Variants in ATP6AP2 observed in about 807,000 individuals in gnomAD.
ATP6AP2 encodes ATPase H+ transporting accessory protein 2.
In ATP6AP2, 1 loss-of-function variant was observed where a neutral mutation model predicts 23.4. The observed-to-expected ratio is 0.04, with a 90% CI of 0.02 to 0.20. The LOEUF (loss-of-function observed/expected upper bound fraction) is 0.20, where lower values mean the gene tolerates loss of function less well. ATP6AP2 is among the 10% of genes least tolerant of loss of function. The probability of loss-of-function intolerance (pLI) is 1.00; values close to 1 mark genes in which losing one functional copy is unlikely to be tolerated. For synonymous variants in ATP6AP2, 90 were observed against 97.1 expected, an observed-to-expected ratio of 0.93 and a Z score of 0.43; for missense variants, 174 against 271.3, an observed-to-expected ratio of 0.64 and a Z score of 2.52.
intron 3 of ATP6AP2, 108 bp from the exon 4 acceptor site, chrX:40,597,141 T>C: frequency 1.3e-5 from 8 of 632,955 alleles, no homozygotes; most frequent in Non-Finnish European, 2.0e-5. Flanking sequence ...TAAATTTCCA[T>C]AGAAAGTGCT....
intron 8 of ATP6AP2, among the ~76,000 whole-genome samples, chrX:40,601,186 A>G (rs1031707664): frequency 8.9e-6 from 1 of 111,925 alleles, no homozygotes; most frequent in African/African-American, 3.3e-5. Context: ...ATGTGGCGCC[A>G]GGTGCAGTGG....
At chrX:40,596,972 A>T (rs1474451516) in intron 3 of ATP6AP2, 2 of 272,938 alleles carry the variant, frequency 7.3e-6, no homozygotes, top group Middle Eastern at 1.1e-3. Context: ...TACATGAATG[A>T]CCACCAGAAA....
chrX:40,597,063 G>A (rs1332441708), intron 3 of ATP6AP2, 186 bp from the exon 4 acceptor site: 2 of 429,872 alleles, frequency 4.7e-6, no homozygotes, highest in African/African-American at 2.5e-5. Context: ...TACAGACTTG[G>A]CTTACCAGGG....
intron 3 of ATP6AP2, chrX:40,592,003 A>G (rs1926643587): frequency 8.8e-6 from 1 of 113,568 alleles, no homozygotes; most frequent in Non-Finnish European, 1.9e-5. Context: ...TCCTGCAGAA[A>G]GCCAGGGACT....
intron 3 of ATP6AP2, 194 bp from the exon 4 acceptor site, chrX:40,597,055 C>G (rs1388645773): frequency 1.4e-5 from 6 of 423,436 alleles, no homozygotes; most frequent in Non-Finnish European, 2.5e-5. Context: ...ATGGGAGATA[C>G]AGACTTGGCT....
chrX:40,602,171 A>G (rs1195267572), intron 8 of ATP6AP2, among the ~76,000 whole-genome samples: 22 of 99,988 alleles, frequency 2.2e-4, no homozygotes. Context: ...AATCCCAGCT[A>G]CTTGGAAGGC....
At chrX:40,598,482 A>C in intron 5 of ATP6AP2, 199 bp from the exon 6 acceptor site, 31 of 421,609 alleles carry the variant, frequency 7.4e-5, no homozygotes, top group Non-Finnish European at 7.0e-5. Flanking sequence ...GTGCTAGGGA[A>C]TGGCCATCAC....
chrX:40,588,877 A>T, intron 1 of ATP6AP2, 109 bp from the exon 2 acceptor site: 1 of 886,668 alleles, frequency 1.1e-6, no homozygotes, highest in Non-Finnish European at 1.6e-6. Flanking sequence ...GTCATAATTT[A>T]ATACGCTAAG....
intron 7 of ATP6AP2, 44 bp from the exon 8 acceptor site, chrX:40,600,718 G>T (rs1926883534): frequency 8.7e-7 from 1 of 1,152,933 alleles, no homozygotes; most frequent in Non-Finnish European, 1.2e-6. Context: ...AATGAAAAAA[G>T]TACATAGTTG....
rs1182905661 is a variant in ATP6AP2, at chrX:40,597,266, T to C, written c.318T>C (p.Leu106=). The change falls in exon 4 of 9, where the codon CTT becomes CTC. Residue 106 remains leucine (L), a synonymous_variant. Transcript: ENST00000636580. ...AATTTCAGGCAGTTCCTTTTAGTCT[T>C]GACAGTGTTGCAAATTCCATTCACT... The part of the protein sequence containing the change: ...YPLENAVPFS[L]DSVANSIHSL... The C allele has an allele frequency of 1.7e-6, 2 of 1,206,396 alleles. No homozygotes were observed. The highest frequency in any genetic ancestry group is 2.2e-6 in the Non-Finnish European group (2 of 890,437).
At chrX:40,591,148 C>T (rs1002570297) in intron 2 of ATP6AP2, 86 bp from the exon 3 acceptor site, 18 of 1,127,076 alleles carry the variant, frequency 1.6e-5, no homozygotes, top group Non-Finnish European at 1.7e-5. Flanking sequence ...ATCTCAGAAC[C>T]CCTTAACTCT....
At chrX:40,585,592 G>A (rs1029557991) in intron 1 of ATP6AP2, among the ~76,000 whole-genome samples, 5 of 111,616 alleles carry the variant, frequency 4.5e-5, no homozygotes, top group South Asian at 7.5e-4. Context: ...GGTGGCTCAC[G>A]CCTGTAATCC....
chrX:40,596,316 C>A (rs1926773961), intron 3 of ATP6AP2, among the ~76,000 whole-genome samples: 1 of 111,841 alleles, frequency 8.9e-6, no homozygotes, highest in Non-Finnish European at 1.9e-5. Context: ...AATGAAAGAT[C>A]AATGTAAGAA....
At chrX:40,599,962 A>G (rs1472286117) in intron 7 of ATP6AP2, 1 of 396,835 alleles carries the variant, frequency 2.5e-6, no homozygotes, top group Admixed American at 4.3e-5. Context: ...GTTATCTCAC[A>G]CAAAGCTTTA....
chrX:40,581,018 G>T lies in ATP6AP2; in HGVS notation c.-48G>T. 1 of 1,160,823 alleles carries T rather than the reference G, an allele frequency of 8.6e-7. No individual in the cohort carries two copies. Among genetic ancestry groups the T allele is most frequent in the Non-Finnish European group, 1.2e-6 (1 of 869,209 alleles). Reference sequence around the variant, plus strand: ...ACGCTGCGGCTGTCGCCCGTGTCCCGCCGGCCCGTTCCGTGTCGCCCCGCA... The same window carrying T: ...ACGCTGCGGCTGTCGCCCGTGTCCCTCCGGCCCGTTCCGTGTCGCCCCGCA... On this transcript the variant is annotated 5_prime_UTR_variant, in exon 1 of 9. Coordinates refer to ENST00000636580, the MANE Select transcript of ATP6AP2 (RefSeq NM_005765.3).
chrX:40,584,364 C>CT (rs35576735), intron 1 of ATP6AP2, among the ~76,000 whole-genome samples: 9,351 of 87,177 alleles, frequency 0.11, 1,099 homozygotes, highest in African/African-American at 0.3. Context: ...CAGCCTCTAT[C>CT]TTTTTTTTTT....
intron 7 of ATP6AP2, 154 bp downstream of exon 7, chrX:40,599,895 C>A: frequency 1.7e-6 from 1 of 596,698 alleles, no homozygotes; most frequent in Non-Finnish European, 2.6e-6. Context: ...GGAGTAGGGT[C>A]AAAAATGTAT....
intron 1 of ATP6AP2, among the ~76,000 whole-genome samples, 192 bp downstream of exon 1, chrX:40,581,294 C>T (rs1222505348): frequency 8.8e-6 from 1 of 113,206 alleles, no homozygotes; most frequent in Non-Finnish European, 1.9e-5. Context: ...CCTCACGGGC[C>T]GCCGGGGCCG....
intron 8 of ATP6AP2, chrX:40,605,338 T>G (rs1927045857): frequency 2.4e-6 from 1 of 417,749 alleles, no homozygotes; most frequent in Non-Finnish European, 4.2e-6. Flanking sequence ...TTATTAGGTA[T>G]TGTCCAGTTT....
Sources: allele counts gnomAD v4.1 joint callset (sites outside exome capture counted in the v4.1 genomes callset), GRCh38; gene constraint gnomAD v4.1.1; transcripts MANE v1.5; gene names NCBI Gene and HGNC (gene_info 2026-07-23, HGNC 2026-07-21).